The following SYTL3 variants were observed in gnomAD, a reference collection of about 807,000 sequenced individuals.
SYTL3 encodes synaptotagmin like 3.
A neutral mutation model predicts 82.1 loss-of-function variants in SYTL3; 88 were observed. That is an observed-to-expected ratio of 1.07 (90% CI 0.90 to 1.28). The LOEUF (loss-of-function observed/expected upper bound fraction) is 1.28, where lower values mean the gene tolerates loss of function less well. SYTL3 is among the 50% of genes most tolerant of loss of function. The pLI is 0.00. For synonymous variants in SYTL3, 311 were observed against 289.4 expected (o/e 1.07, Z -0.76); for missense variants, 831 against 757.6 (o/e 1.10, Z -1.14).
At chr6:158,763,040 T>TG (rs1265755577) in intron 16 of SYTL3, among the ~76,000 whole-genome samples, 1 of 152,198 alleles carries the variant, frequency 6.6e-6, no homozygotes, top group Non-Finnish European at 1.5e-5. Context: ...TCTGCAGTCA[T>TG]GGTGGGAGGC....
intron 6 of SYTL3, among the ~76,000 whole-genome samples, chr6:158,704,016 G>A (rs1367310802): frequency 6.6e-6 from 1 of 151,628 alleles, no homozygotes; most frequent in Non-Finnish European, 1.5e-5. Context: ...TAGTAGAGAC[G>A]AGGTTTCATC....
chr6:158,675,406 A>T (rs1485640160), intron 5 of SYTL3, among the ~76,000 whole-genome samples: 2 of 152,250 alleles, frequency 1.3e-5, no homozygotes, highest in African/African-American at 4.8e-5. Context: ...CTAGGATTCA[A>T]TCACAATGAT....
chr6:158,672,565 T>TTTC, intron 5 of SYTL3, among the ~76,000 whole-genome samples: 1 of 151,702 alleles, frequency 6.6e-6, no homozygotes, highest in East Asian at 1.9e-4. Flanking sequence ...TCTTTTTTTT[T>TTTC]TTTTTGGCAG....
intron 5 of SYTL3, among the ~76,000 whole-genome samples, chr6:158,671,096 GC>G (rs1467574696): frequency 6.6e-6 from 1 of 152,054 alleles, no homozygotes; most frequent in African/African-American, 2.4e-5. Context: ...GAGCCACGGC[GC>G]CCGGCCTATG....
intron 11 of SYTL3, among the ~76,000 whole-genome samples, chr6:158,729,651 C>T (rs1785162918): frequency 6.7e-6 from 1 of 150,340 alleles, no homozygotes. Flanking sequence ...ACTGCAAGCT[C>T]CGCCTCTCTG....
At chr6:158,662,183 C>T (rs1789455889) in intron 3 of SYTL3, among the ~76,000 whole-genome samples, 2 of 152,126 alleles carry the variant, frequency 1.3e-5, no homozygotes. Context: ...CGTCTTATCA[C>T]TAAGGGATTC....
At chr6:158,652,517 G>A (rs1788143230) in intron 2 of SYTL3, among the ~76,000 whole-genome samples, 1 of 151,850 alleles carries the variant, frequency 6.6e-6, no homozygotes, top group African/African-American at 2.4e-5. Context: ...CCAAAGTGCT[G>A]GGATTACAAG....
At chr6:158,703,628 G>A (rs546205920) in intron 6 of SYTL3, among the ~76,000 whole-genome samples, 13 of 152,118 alleles carry the variant, frequency 8.5e-5, no homozygotes, top group East Asian at 3.9e-4. Flanking sequence ...AAATCTGCCC[G>A]GATCTTGCTC....
chr6:158,696,548 C>T (rs983459525), intron 6 of SYTL3, among the ~76,000 whole-genome samples: 3 of 151,908 alleles, frequency 2.0e-5, no homozygotes, highest in African/African-American at 7.3e-5. Flanking sequence ...TTGATAGTAG[C>T]CACCCTAATG....
intron 10 of SYTL3, among the ~76,000 whole-genome samples, chr6:158,719,534 G>GA (rs1468965697): frequency 1.3e-5 from 2 of 152,178 alleles, no homozygotes; most frequent in Non-Finnish European, 2.9e-5. Context: ...CTTCAGGAGC[G>GA]AGGTGTCTAG....
At position 158,730,876 on chromosome 6, in the gene SYTL3, C is replaced by T. The variant is rs915189108; in HGVS notation, c.855+5239C>T. 3.3e-5 allele frequency among the ~76,000 whole-genome samples: 5 copies of T among 152,096 alleles called. No homozygotes were observed. The East Asian group carries it at 5.8e-4, about 18-fold the overall frequency. ...TGAAGAAAGAAAAGCCGCCAGGGGG[C>T]GGGTCGGGGTGGGGCGGTGAAGTAT... On this transcript the variant is annotated intron_variant, in intron 11 of 17. Coordinates refer to ENST00000611299, the MANE Select transcript of SYTL3 (RefSeq NM_001242394.2).
intron 3 of SYTL3, among the ~76,000 whole-genome samples, chr6:158,661,676 T>G (rs1258411052): frequency 1.3e-5 from 2 of 152,252 alleles, no homozygotes; most frequent in Non-Finnish European, 2.9e-5. Flanking sequence ...TTTATTAACC[T>G]TTAACTCAAA....
chr6:158,724,202 T>TCTCTTCCTCCC (rs1230586209), intron 10 of SYTL3, among the ~76,000 whole-genome samples: 1 of 152,198 alleles, frequency 6.6e-6, no homozygotes, highest in Non-Finnish European at 1.5e-5. Context: ...CTCTTTCTTC[T>TCTCTTCCTCCC]CTCTTCCTCC....
chr6:158,674,116 A>G (rs866770248), intron 5 of SYTL3, among the ~76,000 whole-genome samples: 54 of 144,860 alleles, frequency 3.7e-4, no homozygotes, highest in African/African-American at 1.3e-3. Flanking sequence ...TAATAATAAT[A>G]ATAATGATGA....
intron 11 of SYTL3, among the ~76,000 whole-genome samples, chr6:158,742,483 G>A (rs1346641268): frequency 1.3e-5 from 2 of 152,006 alleles, no homozygotes; most frequent in Non-Finnish European, 2.9e-5. Flanking sequence ...CCAGCTGAAG[G>A]TCTGGATATT....
At chr6:158,708,742 G>C (rs1178241161) in intron 8 of SYTL3, among the ~76,000 whole-genome samples, 1 of 152,174 alleles carries the variant, frequency 6.6e-6, no homozygotes, top group East Asian at 1.9e-4. Flanking sequence ...GTTAACGTGT[G>C]TGTGAGTGGG....
intron 11 of SYTL3, among the ~76,000 whole-genome samples, chr6:158,741,363 CT>C (rs1252533841): frequency 6.6e-6 from 1 of 152,218 alleles, no homozygotes; most frequent in Non-Finnish European, 1.5e-5. Context: ...GCCACCATGT[CT>C]GGCCTTGTTC....
rs769889605 is a variant in SYTL3 at position 158,744,431 on chromosome 6, G to A, written c.856-1049G>A. 1.0e-4 allele frequency among the ~76,000 whole-genome samples: 15 copies of A among 149,726 alleles called. No individual in the cohort carries two copies. In the South Asian group the frequency reaches 1.7e-3, roughly 17 times the overall value. ...ACGCCATTCTCCTGCCTCAGCCTCC[G>A]GAGTAGCTGGGACTATAGCTGGGAC... On this transcript the variant is annotated intron_variant, in intron 11 of 17. Coordinates refer to ENST00000611299, the MANE Select transcript of SYTL3 (RefSeq NM_001242394.2).
At position 158,718,080 on chromosome 6, in the gene SYTL3, C is replaced by CT; in HGVS notation, c.596-3dup. On this transcript the variant is annotated splice_polypyrimidine_tract_variant and splice_region_variant and intron_variant, in intron 9 of 17. Coordinates refer to ENST00000611299, the MANE Select transcript of SYTL3 (RefSeq NM_001242394.2). ...CCCACCCATCAACCCTTGTGTTTGC[C>CT]TTTTAGAGCTCTCCAAATCCCAGAA... 6.6e-7 allele frequency: 1 copy of CT among 1,521,772 alleles called. No individual in the cohort carries two copies. The highest frequency in any genetic ancestry group is 8.8e-7 in the Non-Finnish European group (1 of 1,133,220). The allele number at this position is 1,521,772 out of a possible 1,614,324, so 94.3% of individuals were successfully genotyped here.
Sources: allele counts gnomAD v4.1 joint callset (sites outside exome capture counted in the v4.1 genomes callset), GRCh38; gene constraint gnomAD v4.1.1; transcripts MANE v1.5; gene names NCBI Gene and HGNC (gene_info 2026-07-23, HGNC 2026-07-21).